MYT1: variants seen among roughly 807,000 people sequenced by gnomAD.
MYT1 encodes the protein myelin transcription factor I.
In MYT1, 23 loss-of-function variants were observed where a neutral mutation model predicts 123.0. The observed-to-expected ratio is 0.19, with a 90% CI of 0.13 to 0.26. The LOEUF (loss-of-function observed/expected upper bound fraction) is 0.26. Ranked by LOEUF, MYT1 falls within the 10% of genes least tolerant of loss-of-function variation. The pLI, the probability that MYT1 is intolerant of heterozygous loss-of-function variation, is 1.00. For missense variants in MYT1, 1,125 were observed against 1,472.5 expected, an observed-to-expected ratio of 0.76 and a Z score of 3.86; for synonymous variants, 518 against 575.3, an observed-to-expected ratio of 0.90 and a Z score of 1.43.
chr20:64,239,617 C>G, intron 21 of MYT1, 143 bp from the exon 22 acceptor site: 1 of 1,198,788 alleles, frequency 8.3e-7, no homozygotes, highest in Non-Finnish European at 1.2e-6. Context: ...GCAGAACCCC[C>G]TACAGGAAGG....
At chr20:64,204,921 C>A in intron 4 of MYT1, 114 bp from the exon 5 acceptor site, 1 of 1,006,444 alleles carries the variant, frequency 9.9e-7, no homozygotes. Context: ...TGCAGGCAGC[C>A]ATTCTGAGGT....
Position 64,237,283 on chromosome 20 carries a change from T to G in MYT1, c.2990-4T>G. On this transcript the variant is annotated splice_polypyrimidine_tract_variant and splice_region_variant and intron_variant, in intron 20 of 22. Coordinates refer to ENST00000328439, the MANE Select transcript of MYT1 (RefSeq NM_004535.3). ...GCCACAACTGAGGTTTCTCTCTGGG[T>G]CAGTGTTGGAGAATGATGAGGAGAT... 1 of 1,609,472 alleles carries G rather than the reference T, an allele frequency of 6.2e-7. No homozygotes were observed.
At position 64,192,228 on chromosome 20, in the gene MYT1, C is replaced by T. The variant is rs1047299354; in HGVS notation, c.-1+2068C>T. Among the ~76,000 whole-genome samples, 7 of 152,178 alleles carry T rather than the reference C, an allele frequency of 4.6e-5. No individual in the cohort carries two copies. Among genetic ancestry groups the T allele is most frequent in the Middle Eastern group, 3.2e-3 (1 of 316 alleles). ...CACTGCTCTGTTTGAGGGTCATTTC[C>T]CTTCTTTTCTTGCAGATAGGGCCGA... On this transcript the variant is annotated intron_variant, in intron 2 of 22. Transcript: ENST00000328439. The surrounding 1 kb of genome is among the most constrained non-coding windows in gnomAD (Gnocchi z 5.3).
chr20:64,240,011 G>C lies in MYT1; in HGVS notation c.3237+108G>C, dbSNP rs537870443. 8.1e-6 allele frequency: 12 copies of C among 1,482,020 alleles called. No homozygotes were observed. The African/African-American group carries it at 1.2e-4, about 15-fold the overall frequency. 91.8% of individuals were successfully genotyped at this position (1,482,020 alleles called of 1,614,324 possible). A position where few individuals can be genotyped will look rare whatever the true frequency, so the allele number is the denominator to read the frequency against. On this transcript the variant is annotated intron_variant, in intron 22 of 22. Coordinates refer to ENST00000328439, the MANE Select transcript of MYT1 (RefSeq NM_004535.3). Reference sequence around the variant, plus strand: ...CCCTCTGCCTCTGGGTCCTGCCCTAGGGGCCCTGTGCCCTTGTGGAGATTC... The same window carrying C: ...CCCTCTGCCTCTGGGTCCTGCCCTACGGGCCCTGTGCCCTTGTGGAGATTC...
chr20:64,211,449 C>G, intron 8 of MYT1, 109 bp downstream of exon 8: 1 of 1,197,256 alleles, frequency 8.4e-7, no homozygotes, highest in Non-Finnish European at 1.2e-6. Flanking sequence ...CATAACCTTC[C>G]CCTTTGGTTT....
chr20:64,213,571 G>A lies in MYT1; in HGVS notation c.1555G>A (p.Ala519Thr). 1 of 1,614,068 alleles carries A rather than the reference G, an allele frequency of 6.2e-7. No individual in the cohort carries two copies. The highest frequency in any genetic ancestry group is 2.2e-5 in the East Asian group (1 of 44,872). The change falls in exon 10 of 23, where the codon GCC (alanine) becomes ACC (threonine). Residue 519 changes from alanine to threonine, a missense_variant. By Grantham distance (58) the Ala-to-Thr change is moderately conservative. Around this residue, in one of 4 missense-constraint regions of MYT1, gnomAD observed 429 missense variants for 604.1 expected, o/e 0.71. Coordinates refer to ENST00000328439, the MANE Select transcript of MYT1 (RefSeq NM_004535.3). This position sits in a 1 kb window ranked among gnomAD's most constrained non-coding sequence, Gnocchi z 5.6. The part of the protein sequence containing the change: ...GCPIAAAEKL[A>T]KSHEKQQPQT... ...TCCCATTGCTGCCGCCGAAAAATTA[G>A]CCAAATCCCATGAGAAGCAGCAGCC... is the stretch of plus-strand genomic sequence containing the variant.
chr20:64,239,723 A>G lies in MYT1; in HGVS notation c.3094-37A>G, dbSNP rs553995720. 4 of 1,612,288 alleles carry G rather than the reference A, an allele frequency of 2.5e-6. No individual in the cohort carries two copies. In the East Asian group the frequency reaches 6.7e-5, roughly 27 times the overall value. ...GAGGACCCCCAGGAGGATGGGGGCC[A>G]AGGGCAGGCGGCACTTCGAATCTCT... On this transcript the variant is annotated intron_variant, in intron 21 of 22. Transcript: ENST00000328439.
chr20:64,227,257 C>T (rs181787311), intron 16 of MYT1, among the ~76,000 whole-genome samples, 158 bp from the exon 17 acceptor site: 5 of 152,346 alleles, frequency 3.3e-5, no homozygotes, highest in East Asian at 3.9e-4. Context: ...AGTCGGCAGC[C>T]GGGGTGAACA....
At chr20:64,215,245 A>C (rs576591655) in intron 10 of MYT1, among the ~76,000 whole-genome samples, 2 of 152,294 alleles carry the variant, frequency 1.3e-5, no homozygotes, top group Admixed American at 1.3e-4. Context: ...ACAGGCTCCA[A>C]CTTTGGAGAC....
In MYT1 at chr20:64,191,111, A is replaced by C. The variant is rs1295297793; in HGVS notation, c.-1+951A>C. Among the ~76,000 whole-genome samples, 1 of 152,198 alleles carries C rather than the reference A, an allele frequency of 6.6e-6. No homozygotes were observed. Among genetic ancestry groups the C allele is most frequent in the Non-Finnish European group, 1.5e-5 (1 of 68,026 alleles). On this transcript the variant is annotated intron_variant, in intron 2 of 22. Coordinates refer to ENST00000328439, the MANE Select transcript of MYT1 (RefSeq NM_004535.3). The surrounding 1 kb of genome is among the most constrained non-coding windows in gnomAD (Gnocchi z 4.1). ...ACTGTTCTCTATTCACCCTGCTTTT[A>C]CCTGGCCAGGCTGAGAATCCCTACA...
At chr20:64,188,921 T>G (rs1982889889) in intron 1 of MYT1, among the ~76,000 whole-genome samples, 1 of 152,266 alleles carries the variant, frequency 6.6e-6, no homozygotes, top group Admixed American at 6.5e-5. Context: ...GTGCCGAATC[T>G]GAGTGGTTTT....
intron 1 of MYT1, among the ~76,000 whole-genome samples, chr20:64,187,426 G>C (rs559049038): frequency 1.2e-3 from 169 of 146,600 alleles, no homozygotes; most frequent in Non-Finnish European, 2.0e-3. Context: ...TCTGTGGAGA[G>C]TTTTCCTGTG....
At chr20:64,219,172 C>T (rs1983923785) in intron 12 of MYT1, 137 bp downstream of exon 12, 19 of 1,237,778 alleles carry the variant, frequency 1.5e-5, no homozygotes. Context: ...TTAACTTTTT[C>T]TCCCTCCTGG....
rs796126352 is a variant in MYT1, at chr20:64,177,614, C to T, written c.-98-12449C>T. Among the ~76,000 whole-genome samples, 26 of 149,914 alleles carry T rather than the reference C, an allele frequency of 1.7e-4. No homozygotes were observed. The East Asian group carries it at 3.0e-3, about 17-fold the overall frequency. ...CTCTCCAGGGGTGGGGACATGAGGG[C>T]ACCCCTCTCCGGGGGCGGGGACAAG... On this transcript the variant is annotated intron_variant, in intron 1 of 22. Coordinates refer to ENST00000328439, the MANE Select transcript of MYT1 (RefSeq NM_004535.3).
chr20:64,239,102 C>T (rs1489644791), intron 21 of MYT1, among the ~76,000 whole-genome samples: 2 of 152,240 alleles, frequency 1.3e-5, no homozygotes, highest in African/African-American at 2.4e-5. Flanking sequence ...TGCAGATGTG[C>T]AGTCAGGCTG....
In MYT1 at chr20:64,183,571, A is replaced by C. The variant is rs375641024; in HGVS notation, c.-98-6492A>C. 6.6e-5 allele frequency among the ~76,000 whole-genome samples: 10 copies of C among 152,190 alleles called. No individual in the cohort carries two copies. The East Asian group carries it at 1.7e-3, about 26-fold the overall frequency. ...AGCCATTTTAGTGCAATGGTATCTG[A>C]GTGTGGTTTTGATTTGCATTTCCTG... is the stretch of plus-strand genomic sequence containing the variant. On this transcript the variant is annotated intron_variant, in intron 1 of 22. Transcript: ENST00000328439.
At chr20:64,228,197 G>A (rs1005820039) in intron 18 of MYT1, 1 of 551,898 alleles carries the variant, frequency 1.8e-6, no homozygotes, top group East Asian at 3.1e-5. Context: ...GGGCATGGGT[G>A]CCAGATTTTC....
At chr20:64,199,830 G>A in intron 3 of MYT1, 62 bp from the exon 4 acceptor site, 1 of 1,566,348 alleles carries the variant, frequency 6.4e-7, no homozygotes, top group Non-Finnish European at 8.8e-7. Context: ...TATGCTGTTA[G>A]GGCAATGAGC....
rs1018670090 is a variant in MYT1, at chr20:64,166,051, G to T, written c.-99+1312G>T. On this transcript the variant is annotated intron_variant, in intron 1 of 22. Coordinates refer to ENST00000328439, the MANE Select transcript of MYT1 (RefSeq NM_004535.3). This position sits in a 1 kb window ranked among gnomAD's most constrained non-coding sequence, Gnocchi z 4.9. ...TGTATCCTCTACAGGGCTGACTGAG[G>T]GAGGCTCCCCTCGGCCCCCAGCCTC... 6.6e-6 allele frequency among the ~76,000 whole-genome samples: 1 copy of T among 152,132 alleles called. No homozygotes were observed. Among genetic ancestry groups the T allele is most frequent in the African/African-American group, 2.4e-5 (1 of 41,418 alleles).
Sources: gnomAD v4.1 joint callset for allele counts (sites outside exome capture counted in the v4.1 genomes callset) on GRCh38, gnomAD v4.1.1 for gene constraint, gnomAD v4.1.1 regional missense constraint, Gnocchi (gnomAD v3.1) non-coding constraint, MANE v1.5 for transcripts, NCBI Gene and HGNC (gene_info 2026-07-23, HGNC 2026-07-21) for gene names.